The following FRYL variants were observed in gnomAD, a reference collection of about 807,000 sequenced individuals.
The protein encoded by FRYL is protein furry homolog-like.
FRYL carries 150 observed loss-of-function variants against 351.2 expected under a neutral mutation model. The observed-to-expected ratio is 0.43, with a 90% CI of 0.37 to 0.49. The LOEUF (loss-of-function observed/expected upper bound fraction) is 0.49. FRYL is among the 20% of genes least tolerant of loss of function. FRYL has a pLI of 0.00. For synonymous variants in FRYL, 1,153 were observed against 1,257.1 expected, an observed-to-expected ratio of 0.92 and a Z score of 1.75; for missense variants, 3,036 against 3,619.3, an observed-to-expected ratio of 0.84 and a Z score of 4.13.
At chr4:48,541,900 A>G (rs1730250198) in intron 45 of FRYL, 127 bp downstream of exon 45, 1 of 665,590 alleles carries the variant, frequency 1.5e-6, no homozygotes, top group Non-Finnish European at 2.7e-6. Flanking sequence ...CCATCTCCCC[A>G]CTGGTAATCC....
chr4:48,589,605 G>C, intron 18 of FRYL, 140 bp downstream of exon 18: 1 of 741,424 alleles, frequency 1.3e-6, no homozygotes, highest in Non-Finnish European at 2.2e-6. Context: ...TGTGTGGAAG[G>C]AATCACTGTA....
intron 22 of FRYL, among the ~76,000 whole-genome samples, chr4:48,579,854 G>A (rs1366472653): frequency 6.6e-6 from 1 of 151,960 alleles, no homozygotes; most frequent in African/African-American, 2.4e-5. Context: ...AAAATAACTA[G>A]AAGAGAGGCT....
intron 3 of FRYL, among the ~76,000 whole-genome samples, chr4:48,636,094 G>A (rs1436728764): frequency 1.3e-5 from 2 of 152,068 alleles, no homozygotes; most frequent in Admixed American, 6.6e-5. Flanking sequence ...ATTATGTACT[G>A]TATTCTAGAA....
chr4:48,701,971 G>C (rs906692966), intron 2 of FRYL, among the ~76,000 whole-genome samples: 44 of 152,162 alleles, frequency 2.9e-4, no homozygotes, highest in African/African-American at 9.9e-4. Flanking sequence ...TATAAAAGCT[G>C]CTTCAAACAG....
intron 59 of FRYL, among the ~76,000 whole-genome samples, chr4:48,508,108 A>G (rs546676049): frequency 2.6e-5 from 4 of 152,236 alleles, no homozygotes; most frequent in Admixed American, 6.5e-5. Context: ...AAACATAGCC[A>G]TGGACAATAT....
chr4:48,637,168 T>C (rs1754404570), intron 3 of FRYL: 1 of 152,052 alleles, frequency 6.6e-6, no homozygotes, highest in South Asian at 2.1e-4. Context: ...GACAAGGACA[T>C]GAACAAGCAA....
chr4:48,645,133 TATATATATA>T (rs1294355845), intron 3 of FRYL, among the ~76,000 whole-genome samples: 1 of 20,292 alleles, frequency 4.9e-5, no homozygotes, highest in African/African-American at 2.4e-4. Flanking sequence ...TTTATATATA[TATATATATA>T]TATATATATA....
intron 2 of FRYL, among the ~76,000 whole-genome samples, chr4:48,697,016 T>A (rs1766258359): frequency 6.6e-6 from 1 of 152,030 alleles, no homozygotes; most frequent in Non-Finnish European, 1.5e-5. Flanking sequence ...ATTACAAGGT[T>A]TTTTCCTATA....
At chr4:48,666,132 C>T (rs547992252) in intron 3 of FRYL, among the ~76,000 whole-genome samples, 30 of 152,220 alleles carry the variant, frequency 2.0e-4, no homozygotes, top group African/African-American at 6.5e-4. Flanking sequence ...GAGGCCAAGG[C>T]GGGCAGATCA....
rs138613862 is a variant in FRYL at position 48,577,722 on chromosome 4, A to C, written c.2528+1251T>G. 2.0e-4 allele frequency among the ~76,000 whole-genome samples: 31 copies of C among 152,182 alleles called. No homozygotes were observed. In the East Asian group the frequency reaches 5.8e-3, roughly 28 times the overall value. On this transcript the variant is annotated intron_variant, in intron 23 of 63. Coordinates refer to ENST00000358350, the MANE Select transcript of FRYL (RefSeq NM_015030.2). Reference sequence around the variant, plus strand: ...AATGTCAATCTTTATTTAAAAAGTAACATCCAGACCAGGTGTGGTGGCTCA... The same window carrying C: ...AATGTCAATCTTTATTTAAAAAGTACCATCCAGACCAGGTGTGGTGGCTCA...
At chr4:48,745,159 T>C (rs917901294) in intron 1 of FRYL, among the ~76,000 whole-genome samples, 1 of 152,212 alleles carries the variant, frequency 6.6e-6, no homozygotes, top group African/African-American at 2.4e-5. Context: ...TTGGTGGGAC[T>C]GTAAACTAGC....
At chr4:48,763,752 A>G (rs1774650695) in intron 1 of FRYL, among the ~76,000 whole-genome samples, 1 of 152,180 alleles carries the variant, frequency 6.6e-6, no homozygotes, top group Non-Finnish European at 1.5e-5. Context: ...CACTCTTACT[A>G]CTTCCACTCG....
At chr4:48,660,418 T>C (rs2149472487) in intron 3 of FRYL, among the ~76,000 whole-genome samples, 1 of 152,278 alleles carries the variant, frequency 6.6e-6, no homozygotes, top group East Asian at 1.9e-4. Flanking sequence ...TGGTTAAGAG[T>C]GGCTCCACTA....
chr4:48,716,950 G>T (rs1456535012), intron 1 of FRYL, among the ~76,000 whole-genome samples: 4 of 150,802 alleles, frequency 2.7e-5, no homozygotes, highest in Admixed American at 6.7e-5. Context: ...CCATAAAAAA[G>T]GATGAGTTCA....
intron 18 of FRYL, among the ~76,000 whole-genome samples, chr4:48,587,989 T>A (rs1047970459): frequency 2.0e-5 from 3 of 152,338 alleles, no homozygotes; most frequent in African/African-American, 7.2e-5. Context: ...CAGTTCAAAT[T>A]TAAGCTACCA....
At chr4:48,545,005 G>A in intron 42 of FRYL, 101 bp from the exon 43 acceptor site, 1 of 1,236,002 alleles carries the variant, frequency 8.1e-7, no homozygotes, top group Non-Finnish European at 1.1e-6. Flanking sequence ...AGAAAGGATG[G>A]TAGTTGAATA....
At position 48,562,804 on chromosome 4, in the gene FRYL, T is replaced by C; in HGVS notation, c.3696+85A>G. 5.3e-6 allele frequency: 4 copies of C among 759,370 alleles called. No individual in the cohort carries two copies. The East Asian group carries it at 1.0e-4, about 19-fold the overall frequency. 47.0% of individuals were successfully genotyped at this position (759,370 alleles called of 1,614,324 possible). A position where few individuals can be genotyped will look rare whatever the true frequency, so the allele number is the denominator to read the frequency against. ...CTATAAATAAAGCTAAATACTATTA[T>C]CAGTATGCTTTAATAGCAAGACTAA... On this transcript the variant is annotated intron_variant, in intron 32 of 63. Coordinates refer to ENST00000358350, the MANE Select transcript of FRYL (RefSeq NM_015030.2).
chr4:48,511,888 T>A (rs1358273553), intron 57 of FRYL, among the ~76,000 whole-genome samples: 3 of 152,180 alleles, frequency 2.0e-5, no homozygotes, highest in Non-Finnish European at 4.4e-5. Context: ...AATGGTGGCA[T>A]TTTTCTGTGC....
Position 48,499,645 on chromosome 4 carries a change from T to C in FRYL, c.8819A>G (p.Glu2940Gly). The change falls in exon 64 of 64, where the codon GAA becomes GGA. Residue 2940 changes from glutamate to glycine, a missense_variant. Around this residue, in one of 7 missense-constraint regions of FRYL, gnomAD observed 1,987 missense variants for 2,311.7 expected, o/e 0.86. Transcript: ENST00000358350. Reference sequence around the variant, plus strand: ...TAACAGTGTCTGTACAGGGTCATCTTCACAACTGCCAAAGATATCACTGGG... The same window carrying C: ...TAACAGTGTCTGTACAGGGTCATCTCCACAACTGCCAAAGATATCACTGGG... ...LWPSDIFGSC[E>G]DDPVQTLLHI... The C allele has an allele frequency of 6.2e-7, 1 of 1,614,090 alleles. No homozygotes were observed. The highest frequency in any genetic ancestry group is 8.5e-7 in the Non-Finnish European group (1 of 1,179,934).
Sources: gnomAD v4.1 joint callset for allele counts (sites outside exome capture counted in the v4.1 genomes callset) on GRCh38, gnomAD v4.1.1 for gene constraint, gnomAD v4.1.1 regional missense constraint, MANE v1.5 for transcripts, NCBI Gene and HGNC (gene_info 2026-07-23, HGNC 2026-07-21) for gene names.